The following STXBP5L variants were observed in gnomAD, a reference collection of about 807,000 sequenced individuals.
STXBP5L encodes the protein syntaxin binding protein 5L, also known as syntaxin-binding protein 5-like.
STXBP5L carries 65 observed loss-of-function variants against 144.5 expected under a neutral mutation model. The observed-to-expected ratio is 0.45, with a 90% confidence interval of 0.37 to 0.55. The LOEUF is 0.55. STXBP5L is among the 20% of genes least tolerant of loss of function. The probability of loss-of-function intolerance (pLI) is 0.00; values close to 1 mark genes in which losing one functional copy is unlikely to be tolerated. For missense variants in STXBP5L, 1,298 were observed against 1,405.5 expected (o/e 0.92, Z 1.22); for synonymous variants, 505 against 469.6 (o/e 1.08, Z -0.97).
intron 5 of STXBP5L, among the ~76,000 whole-genome samples, chr3:121,111,422 A>T (rs925482691): frequency 2.0e-5 from 3 of 151,946 alleles, no homozygotes; most frequent in Non-Finnish European, 4.4e-5. Flanking sequence ...GGGGTTTTTG[A>T]GGGGACTTTT....
rs567616118 is a variant in STXBP5L, at chr3:121,335,900, A to C, written c.2176+17360A>C. 2.0e-5 allele frequency among the ~76,000 whole-genome samples: 3 copies of C among 152,292 alleles called. No individual in the cohort carries two copies. In the South Asian group the frequency reaches 6.2e-4, roughly 32 times the overall value. On this transcript the variant is annotated intron_variant, in intron 20 of 26. Coordinates refer to ENST00000471454, the MANE Select transcript of STXBP5L (RefSeq NM_001308330.2). ...GGAGACACCAAAAGCAATCACAACA[A>C]AGGCAAAAAGTGATAAATGGGATAT...
At chr3:121,114,428 A>T (rs2044142990) in intron 5 of STXBP5L, among the ~76,000 whole-genome samples, 1 of 152,224 alleles carries the variant, frequency 6.6e-6, no homozygotes. Flanking sequence ...TGAAGCAAAT[A>T]TGACCTTTAT....
chr3:120,969,206 T>G (rs185281569), intron 3 of STXBP5L, among the ~76,000 whole-genome samples: 33 of 152,128 alleles, frequency 2.2e-4, no homozygotes, highest in Non-Finnish European at 3.7e-4. Context: ...AACATCTATT[T>G]TTTTTTTTAA....
intron 19 of STXBP5L, among the ~76,000 whole-genome samples, chr3:121,309,718 G>T (rs2043461408): frequency 6.6e-6 from 1 of 152,086 alleles, no homozygotes; most frequent in South Asian, 2.1e-4. Context: ...AGGTTTACAG[G>T]TTGGAAGACT....
chr3:121,339,169 A>C (rs1032004071), intron 20 of STXBP5L, among the ~76,000 whole-genome samples: 61 of 152,314 alleles, frequency 4.0e-4, no homozygotes, highest in African/African-American at 1.4e-3. Flanking sequence ...AGAAATCTTC[A>C]ACAAAATACT....
At chr3:121,106,335 A>C (rs1264015398) in intron 5 of STXBP5L, among the ~76,000 whole-genome samples, 1 of 152,146 alleles carries the variant, frequency 6.6e-6, no homozygotes, top group Non-Finnish European at 1.5e-5. Flanking sequence ...GGTTTGCTGC[A>C]CCTAACAAAC....
chr3:121,237,013 G>T (rs2049505505), intron 12 of STXBP5L, among the ~76,000 whole-genome samples: 1 of 152,216 alleles, frequency 6.6e-6, no homozygotes, highest in Non-Finnish European at 1.5e-5. Flanking sequence ...GAACATTGGT[G>T]CAAGGGGTGG....
At chr3:121,113,521 A>G (rs3845852) in intron 5 of STXBP5L, among the ~76,000 whole-genome samples, 76,287 of 151,802 alleles carry the variant, frequency 0.5, 19,567 homozygotes, top group Admixed American at 0.59. Flanking sequence ...GTAATAGCAG[A>G]GCTTTTAATT....
At chr3:121,041,602 C>G in intron 3 of STXBP5L, 98 bp from the exon 4 acceptor site, 2 of 901,176 alleles carry the variant, frequency 2.2e-6, no homozygotes, top group Non-Finnish European at 3.5e-6. Context: ...TAAGGGAAAC[C>G]AAATAGCAAA....
chr3:121,041,339 A>T (rs1332822004), intron 3 of STXBP5L, among the ~76,000 whole-genome samples: 1 of 152,064 alleles, frequency 6.6e-6, no homozygotes, highest in Non-Finnish European at 1.5e-5. Context: ...TCATCTTATG[A>T]TTTAATTATA....
chr3:121,168,980 C>A (rs1475229051), intron 9 of STXBP5L, among the ~76,000 whole-genome samples: 1 of 152,186 alleles, frequency 6.6e-6, no homozygotes, highest in Non-Finnish European at 1.5e-5. Context: ...ATTAGACTGA[C>A]AGCAGATCTC....
chr3:121,151,636 T>A (rs1192270503), intron 7 of STXBP5L, among the ~76,000 whole-genome samples: 2 of 152,144 alleles, frequency 1.3e-5, no homozygotes, highest in Non-Finnish European at 2.9e-5. Context: ...ATACTACTAA[T>A]GTATTTGAAG....
chr3:121,134,554 C>G (rs907187120), intron 7 of STXBP5L, among the ~76,000 whole-genome samples: 6 of 152,038 alleles, frequency 3.9e-5, no homozygotes, highest in Admixed American at 3.9e-4. Flanking sequence ...TTCCCTCCCC[C>G]CTTCCCCCAC....
At chr3:121,067,375 A>G (rs1337804327) in intron 5 of STXBP5L, among the ~76,000 whole-genome samples, 2 of 152,102 alleles carry the variant, frequency 1.3e-5, no homozygotes, top group Admixed American at 6.5e-5. Flanking sequence ...AATTTTTCCT[A>G]TAGTTTCTTA....
chr3:121,091,854 C>T lies in STXBP5L; in HGVS notation c.471-23071C>T, dbSNP rs138311634. On this transcript the variant is annotated intron_variant, in intron 5 of 26. Transcript: ENST00000471454. ...TTTAGACATGAAGTCCTTGCCCATG[C>T]CTATGTCCTGAATGGTAATGCCTAG... 4.2e-3 allele frequency among the ~76,000 whole-genome samples: 646 copies of T among 152,210 alleles called. 5 individuals are homozygous for T. The highest frequency in any genetic ancestry group is 0.015 in the African/African-American group (616 of 41,532).
At chr3:121,025,057 T>G (rs947639079) in intron 3 of STXBP5L, among the ~76,000 whole-genome samples, 1 of 152,166 alleles carries the variant, frequency 6.6e-6, no homozygotes, top group African/African-American at 2.4e-5. Flanking sequence ...CTAAATCACC[T>G]TGGCAAGGCT....
At chr3:121,254,142 A>G (rs771941293) in intron 15 of STXBP5L, among the ~76,000 whole-genome samples, 8 of 152,126 alleles carry the variant, frequency 5.3e-5, no homozygotes, top group Non-Finnish European at 1.0e-4. Context: ...GTTTCTCATT[A>G]TTAGATTCAG....
chr3:120,982,445 C>G (rs527980653), intron 3 of STXBP5L, among the ~76,000 whole-genome samples: 1 of 152,286 alleles, frequency 6.6e-6, no homozygotes, highest in South Asian at 2.1e-4. Context: ...GTTGGCTGCA[C>G]CAGCTTCACA....
intron 6 of STXBP5L, among the ~76,000 whole-genome samples, chr3:121,115,523 T>A (rs1158788430): frequency 6.6e-6 from 1 of 152,198 alleles, no homozygotes; most frequent in Non-Finnish European, 1.5e-5. Context: ...GGTGTATGAT[T>A]GATGGCAATT....
Sources: allele counts gnomAD v4.1 joint callset (sites outside exome capture counted in the v4.1 genomes callset), GRCh38; gene constraint gnomAD v4.1.1; transcripts MANE v1.5; gene names NCBI Gene and HGNC (gene_info 2026-07-23, HGNC 2026-07-21).